The following ZSCAN5A variants were observed in gnomAD, a reference collection of about 807,000 sequenced individuals.
ZSCAN5A encodes zinc finger and SCAN domain containing 5A, also known as zinc finger and SCAN domain-containing protein 5A.
ZSCAN5A carries 12 observed loss-of-function variants against 23.7 expected under a neutral mutation model. The ratio of observed to expected loss-of-function variants is 0.51; its 90% CI spans 0.32 to 0.82. ZSCAN5A has a LOEUF of 0.82. Ranked by LOEUF, ZSCAN5A falls within the 40% of genes least tolerant of loss-of-function variation. The probability of loss-of-function intolerance (pLI) is 0.03; values close to 1 mark genes in which losing one functional copy is unlikely to be tolerated. For missense variants in ZSCAN5A, 597 were observed against 617.9 expected (o/e 0.97, Z 0.36); for synonymous variants, 257 against 239.9 (o/e 1.07, Z -0.66).
intron 2 of ZSCAN5A, among the ~76,000 whole-genome samples, chr19:56,270,151 A>G (rs928883315): frequency 7.2e-5 from 2 of 27,794 alleles, no homozygotes; most frequent in African/African-American, 3.7e-4. Context: ...CGCTGGGTGA[A>G]AAAAAAAAAA....
At chr19:56,357,166 A>G (rs6509992) in intron 2 of ZSCAN5A, among the ~76,000 whole-genome samples, 17,142 of 148,028 alleles carry the variant, frequency 0.12, 2,598 homozygotes, top group East Asian at 0.38. Context: ...GCTACATTCA[A>G]TGACTCAGCT....
intron 2 of ZSCAN5A, among the ~76,000 whole-genome samples, chr19:56,302,581 C>CCCTCTTCCTTTTCTTCCTCCCCCTCTT (rs1555807488): frequency 2.5e-5 from 1 of 39,988 alleles, no homozygotes; most frequent in African/African-American, 1.7e-4. Flanking sequence ...TTCTTCCTCC[C>CCCTCTTCCTTTTCTTCCTCCCCCTCTT]CCTTTTCTTC....
At chr19:56,327,626 T>C (rs2041447127) in intron 2 of ZSCAN5A, among the ~76,000 whole-genome samples, 2 of 151,476 alleles carry the variant, frequency 1.3e-5, no homozygotes, top group East Asian at 3.9e-4. Flanking sequence ...AAAATGCATA[T>C]TTTACAATAT....
At chr19:56,298,533 G>A (rs1419297288) in intron 2 of ZSCAN5A, among the ~76,000 whole-genome samples, 9 of 151,576 alleles carry the variant, frequency 5.9e-5, no homozygotes, top group African/African-American at 1.2e-4. Flanking sequence ...GGTGCCTGTA[G>A]TCCCAGCTAC....
intron 2 of ZSCAN5A, among the ~76,000 whole-genome samples, chr19:56,227,602 C>T (rs1375848231): frequency 1.3e-5 from 2 of 152,194 alleles, no homozygotes; most frequent in Non-Finnish European, 2.9e-5. Flanking sequence ...AAAATAAAGG[C>T]AGACACAGGA....
chr19:56,224,195 G>A, intron 3 of ZSCAN5A: 1 of 264,158 alleles, frequency 3.8e-6, no homozygotes, highest in South Asian at 7.2e-5. Context: ...CCTGGGGGCA[G>A]ATCCCTGCAT....
At chr19:56,231,081 T>G (rs1010846966) in intron 2 of ZSCAN5A, among the ~76,000 whole-genome samples, 5 of 152,280 alleles carry the variant, frequency 3.3e-5, no homozygotes, top group East Asian at 1.9e-4. Context: ...GGCATTATGG[T>G]GCAAGCCTGT....
At chr19:56,341,702 CAA>C (rs1175628460) in intron 2 of ZSCAN5A, among the ~76,000 whole-genome samples, 594 of 53,746 alleles carry the variant, frequency 0.011, no homozygotes, top group African/African-American at 0.036. Flanking sequence ...TACCAAAAGG[CAA>C]AAAAAAAAAA....
chr19:56,264,079 C>T (rs1402064844), intron 2 of ZSCAN5A, among the ~76,000 whole-genome samples: 1 of 151,884 alleles, frequency 6.6e-6, no homozygotes, highest in African/African-American at 2.4e-5. Context: ...CTGCAACCTC[C>T]GCCTCCCAGG....
intron 2 of ZSCAN5A, among the ~76,000 whole-genome samples, chr19:56,309,732 G>C (rs568775542): frequency 6.6e-6 from 1 of 152,192 alleles, no homozygotes; most frequent in Non-Finnish European, 1.5e-5. Flanking sequence ...CCTGCGGGGC[G>C]CGCCCTCTAG....
intron 2 of ZSCAN5A, among the ~76,000 whole-genome samples, chr19:56,264,850 G>A (rs375341953): frequency 6.6e-5 from 10 of 152,134 alleles, no homozygotes; most frequent in South Asian, 2.1e-4. Context: ...GGCTGGGCGC[G>A]GTGGCTCATG....
upstream of ZSCAN5A, chr19:56,316,838 C>T (rs1427493529): frequency 6.6e-6 from 1 of 152,178 alleles, no homozygotes; most frequent in East Asian, 1.9e-4. Context: ...GTTTCTCAGG[C>T]TTCTTATTTA....
At chr19:56,335,783 G>A (rs1460863659) in intron 2 of ZSCAN5A, among the ~76,000 whole-genome samples, 1 of 152,188 alleles carries the variant, frequency 6.6e-6, no homozygotes, top group Non-Finnish European at 1.5e-5. Flanking sequence ...AGGCCTGGTG[G>A]TGACAAAATC....
chr19:56,224,995 G>C lies in ZSCAN5A; in HGVS notation c.52C>G (p.Pro18Ala). 2 of 1,613,876 alleles carry C rather than the reference G, an allele frequency of 1.2e-6. No homozygotes were observed. Among genetic ancestry groups the C allele is most frequent in the Non-Finnish European group, 1.7e-6 (2 of 1,179,860 alleles). ...SWSLGESCNR[P>A]GLELPRSMAS... ...ATAGACCGTGGCAGCTCCAACCCAG[G>C]TCTGTTGCAGGATTCTCCTAGACTC... Residue 18 changes from proline (P) to alanine (A), a missense_variant, in exon 3 of 6, where the codon CCT (proline) becomes GCT (alanine). Pro to Ala is a conservative substitution (Grantham distance 27, BLOSUM62 -1). Coordinates refer to ENST00000683990, the MANE Select transcript of ZSCAN5A (RefSeq NM_001322064.3).
intron 2 of ZSCAN5A, chr19:56,338,176 G>GT (rs2041559088): frequency 6.6e-6 from 1 of 151,984 alleles, no homozygotes; most frequent in African/African-American, 2.4e-5. Flanking sequence ...GAAACAAGTT[G>GT]TTTAATATTT....
At position 56,222,249 on chromosome 19, in the gene ZSCAN5A, A is replaced by G. The variant is rs1367170573; in HGVS notation, c.817T>C (p.Ser273Pro). Residue 273 changes from serine (S) to proline (P), a missense_variant, in exon 6 of 6, where the codon TCT becomes CCT. By Grantham distance (74) the Ser-to-Pro change is moderately conservative. Around this residue, in one of 5 missense-constraint regions of ZSCAN5A, gnomAD observed 406 missense variants for 353.2 expected, o/e 1.15. Transcript: ENST00000683990. ...GCTTCTCTCTCCACAACGCAGGCAG[A>G]AGGTGTGTCAGCATCCACATTTTCC... ...SVENVDADTP[S>P]ACVVEREAST... The G allele has an allele frequency of 6.2e-7, 1 of 1,613,746 alleles. No individual in the cohort carries two copies. The highest frequency in any genetic ancestry group is 1.7e-5 in the Admixed American group (1 of 59,900).
intron 2 of ZSCAN5A, chr19:56,245,477 G>A (rs555373580): frequency 1.8e-6 from 1 of 559,030 alleles, no homozygotes; most frequent in Non-Finnish European, 3.3e-6. Flanking sequence ...AGGAACAGGA[G>A]AAAACTGAGT....
chr19:56,227,532 A>T (rs1334702671), intron 2 of ZSCAN5A, among the ~76,000 whole-genome samples: 1 of 152,180 alleles, frequency 6.6e-6, no homozygotes, highest in African/African-American at 2.4e-5. Flanking sequence ...TGTTCCTAGA[A>T]ATCACTTTGT....
At position 56,253,475 on chromosome 19, in the gene ZSCAN5A, C is replaced by T. The variant is rs185712064; in HGVS notation, c.-127-28302G>A. 1.9e-4 allele frequency among the ~76,000 whole-genome samples: 29 copies of T among 152,174 alleles called. 1 individual carries two copies. The highest frequency in any genetic ancestry group is 2.9e-5 in the Non-Finnish European group (2 of 68,010). On this transcript the variant is annotated intron_variant, in intron 2 of 5. Coordinates refer to ENST00000683990, the MANE Select transcript of ZSCAN5A (RefSeq NM_001322064.3). ...AGAACTTGTAAAAGAATCCCGTGCA[C>T]CAAATAAAGCACGCAAATAACAGGA...
Sources: gnomAD v4.1 joint callset for allele counts (sites outside exome capture counted in the v4.1 genomes callset) on GRCh38, gnomAD v4.1.1 for gene constraint, gnomAD v4.1.1 regional missense constraint, MANE v1.5 for transcripts, NCBI Gene and HGNC (gene_info 2026-07-23, HGNC 2026-07-21) for gene names.